EPAS1: variants seen among roughly 807,000 people sequenced by gnomAD.
EPAS1 encodes the protein endothelial PAS domain protein 1.
In EPAS1, 23 loss-of-function variants were observed where a neutral mutation model predicts 87.9. That is an observed-to-expected ratio of 0.26 (90% confidence interval 0.19 to 0.37). The LOEUF is 0.37. Ranked by LOEUF, EPAS1 falls within the 10% of genes least tolerant of loss-of-function variation. EPAS1 has a pLI of 1.00. For missense variants in EPAS1, 1,138 were observed against 1,120.7 expected (o/e 1.02, Z -0.22); for synonymous variants, 508 against 444.3 (o/e 1.14, Z -1.80).
chr2:46,310,950 C>T (rs899262594), intron 1 of EPAS1, among the ~76,000 whole-genome samples: 35 of 152,298 alleles, frequency 2.3e-4, no homozygotes, highest in Admixed American at 1.4e-3. Flanking sequence ...GATCTTGGCT[C>T]ACTGCAAGCT....
At chr2:46,363,027 T>C (rs550721214) in intron 6 of EPAS1, among the ~76,000 whole-genome samples, 105 of 151,174 alleles carry the variant, frequency 6.9e-4, no homozygotes, top group Non-Finnish European at 1.2e-3. Flanking sequence ...GTGATAATGA[T>C]GGTGGTTCAA....
chr2:46,321,602 G>A (rs1335737948), intron 1 of EPAS1, among the ~76,000 whole-genome samples: 2 of 151,976 alleles, frequency 1.3e-5, no homozygotes, highest in East Asian at 1.9e-4. Context: ...GTGTGAAGTG[G>A]TATCTCATTG....
Position 46,380,781 on chromosome 2 carries a change from G to A in EPAS1, c.2045+64G>A. On this transcript the variant is annotated intron_variant, in intron 12 of 15. Transcript: ENST00000263734. This position sits in a 1 kb window ranked among gnomAD's most constrained non-coding sequence, Gnocchi z 4.4. ...CCGAGAGGCACCCACTAGTAAGATA[G>A]CTGGACCCCCAGGGAGGCCCCTGCC... 1.3e-6 allele frequency: 2 copies of A among 1,599,084 alleles called. No homozygotes were observed. Among genetic ancestry groups the A allele is most frequent in the South Asian group, 1.1e-5 (1 of 90,940 alleles).
At chr2:46,331,626 G>A (rs1683675713) in intron 1 of EPAS1, among the ~76,000 whole-genome samples, 2 of 152,070 alleles carry the variant, frequency 1.3e-5, no homozygotes, top group Admixed American at 6.5e-5. Flanking sequence ...AAGCTCCGAG[G>A]TTTAAAAATA....
Position 46,384,992 on chromosome 2 carries a change from C to T in EPAS1, c.*332C>T. 2 of 359,826 alleles carry T rather than the reference C, an allele frequency of 5.6e-6. No individual in the cohort carries two copies. Among genetic ancestry groups the T allele is most frequent in the South Asian group, 2.6e-5 (1 of 38,122 alleles). 22.3% of individuals were successfully genotyped at this position (359,826 alleles called of 1,614,324 possible). A position where few individuals can be genotyped will look rare whatever the true frequency, so the allele number is the denominator to read the frequency against. On this transcript the variant is annotated 3_prime_UTR_variant, in exon 16 of 16. Transcript: ENST00000263734. ...TCCTTCTCACACACAACTGTCCATA[C>T]TAACAAGTTTGGTGCATGTCTGTTC...
chr2:46,383,828 G>C (rs138365583), intron 15 of EPAS1, among the ~76,000 whole-genome samples: 4 of 152,338 alleles, frequency 2.6e-5, no homozygotes, highest in Non-Finnish European at 4.4e-5. Flanking sequence ...ATGGACCCCA[G>C]CAAGGATCTG....
intron 1 of EPAS1, among the ~76,000 whole-genome samples, chr2:46,310,381 G>A (rs933486011): frequency 6.6e-6 from 1 of 152,162 alleles, no homozygotes; most frequent in Admixed American, 6.5e-5. Context: ...CCCACTATCT[G>A]TAGGGCATGA....
chr2:46,373,371 C>T (rs1029678888), intron 7 of EPAS1, among the ~76,000 whole-genome samples: 1 of 151,892 alleles, frequency 6.6e-6, no homozygotes, highest in African/African-American at 2.4e-5. Flanking sequence ...AAACTGAAAA[C>T]AACTCAAACA....
intron 1 of EPAS1, among the ~76,000 whole-genome samples, chr2:46,313,492 G>C (rs114484821): frequency 6.6e-6 from 1 of 150,952 alleles, no homozygotes; most frequent in Non-Finnish European, 1.5e-5. Flanking sequence ...TCACTCTGTC[G>C]CCAGGCTGCA....
Position 46,347,043 on chromosome 2 carries a change from C to T in EPAS1, c.197C>T (p.Thr66Ile). ...CGACTGGCAATCAGCTTCCTGCGAA[C>T]ACACAAGCTCCTCTCCTCAGGTAAG... ...IMRLAISFLRTHKLLSSVCSE... is the reference protein window; with the variant it reads ...IMRLAISFLRIHKLLSSVCSE... The change falls in exon 2 of 16, where the codon ACA becomes ATA. Residue 66 changes from threonine (T) to isoleucine (I), a missense_variant. By Grantham distance (89) the Thr-to-Ile change is moderately conservative. Around this residue, in one of 4 missense-constraint regions of EPAS1, gnomAD observed 351 missense variants for 417.1 expected, o/e 0.84. Transcript: ENST00000263734. The surrounding 1 kb of genome is among the most constrained non-coding windows in gnomAD (Gnocchi z 4.2). 6.2e-7 allele frequency: 1 copy of T among 1,614,210 alleles called. No homozygotes were observed. Among genetic ancestry groups the T allele is most frequent in the Non-Finnish European group, 8.5e-7 (1 of 1,180,030 alleles).
rs1368323907 is a variant in EPAS1, at chr2:46,371,155, AAAGT to A, written c.886+1227_886+1230del. 6.6e-6 allele frequency among the ~76,000 whole-genome samples: 1 copy of A among 152,162 alleles called. No individual in the cohort carries two copies. The highest frequency in any genetic ancestry group is 1.5e-5 in the Non-Finnish European group (1 of 68,034). On this transcript the variant is annotated intron_variant, in intron 7 of 15. Coordinates refer to ENST00000263734, the MANE Select transcript of EPAS1 (RefSeq NM_001430.5). The surrounding 1 kb of genome is among the most constrained non-coding windows in gnomAD (Gnocchi z 4.3). ...GATTATGGGAGGATTAAAAACGGGT[AAAGT>A]AAGTCTGAGAAGATTCCCAGTGGCC... is the stretch of plus-strand genomic sequence containing the variant.
rs1161729318 is a variant in EPAS1, at chr2:46,300,446, G to C, written c.26+2509G>C. Among the ~76,000 whole-genome samples the C allele has an allele frequency of 6.6e-6, 1 of 152,196 alleles. No individual in the cohort carries two copies. Among genetic ancestry groups the C allele is most frequent in the Non-Finnish European group, 1.5e-5 (1 of 68,046 alleles). ...TTTTGTCCCAGAATGTTCACACGTC[G>C]ATAAATATGTTAATGTTTAATAATA... On this transcript the variant is annotated intron_variant, in intron 1 of 15. Transcript: ENST00000263734. This position sits in a 1 kb window ranked among gnomAD's most constrained non-coding sequence, Gnocchi z 4.1.
rs116743620 is a variant in EPAS1, at chr2:46,303,257, A to G, written c.26+5320A>G. The stretch of plus-strand genomic sequence containing the variant: ...GTATTATGTGTATTTAGAGGTGGAG[A>G]AATTTGTTCCTAGTGTCCCCGGAAC... On this transcript the variant is annotated intron_variant, in intron 1 of 15. Transcript: ENST00000263734. Among the ~76,000 whole-genome samples the G allele has an allele frequency of 2.5e-3, 388 of 152,236 alleles. 2 individuals carry two copies. The highest frequency in any genetic ancestry group is 8.7e-3 in the African/African-American group (362 of 41,526).
rs1684736444 is a variant in EPAS1, at chr2:46,375,958, G to A, written c.1034+121G>A. 7.3e-7 allele frequency: 1 copy of A among 1,364,318 alleles called. No individual in the cohort carries two copies. The highest frequency in any genetic ancestry group is 1.0e-6 in the Non-Finnish European group (1 of 961,272). The allele number at this position is 1,364,318 out of a possible 1,614,324, so 84.5% of individuals were successfully genotyped here. On this transcript the variant is annotated intron_variant, in intron 8 of 15. Transcript: ENST00000263734. This position sits in a 1 kb window ranked among gnomAD's most constrained non-coding sequence, Gnocchi z 4.1. ...TCTCAGCGCCCTGGGCACCACCTCA[G>A]GGAGGTCTTGCAGGGCTAACCCTAG...
chr2:46,370,751 G>C (rs1341511071), intron 7 of EPAS1, among the ~76,000 whole-genome samples: 1 of 152,202 alleles, frequency 6.6e-6, no homozygotes, highest in Non-Finnish European at 1.5e-5. Context: ...ATATTGGACA[G>C]AGAAGTTCTA....
In EPAS1 at chr2:46,381,618, C is replaced by T; in HGVS notation, c.2068C>T (p.Arg690Ter). Residue 690 changes from arginine (R) to a stop codon, truncating the protein, a stop_gained, in exon 13 of 16, where the codon CGA (arginine) becomes TGA (stop). Transcript: ENST00000263734. LOFTEE classifies it high-confidence loss of function. ...KTRSAKGFGA[R>*]GPDVLSPAMV... Reference sequence around the variant, plus strand: ...CAGGTCTGCAAAGGGTTTTGGGGCTCGAGGCCCAGACGTGCTGAGTCCGGC... The same window carrying T: ...CAGGTCTGCAAAGGGTTTTGGGGCTTGAGGCCCAGACGTGCTGAGTCCGGC... The T allele has an allele frequency of 6.2e-7, 1 of 1,613,956 alleles. No individual in the cohort carries two copies. The highest frequency in any genetic ancestry group is 8.5e-7 in the Non-Finnish European group (1 of 1,180,014).
chr2:46,325,792 CATG>C (rs1683550392), intron 1 of EPAS1, among the ~76,000 whole-genome samples: 1 of 152,126 alleles, frequency 6.6e-6, no homozygotes, highest in South Asian at 2.1e-4. Flanking sequence ...ATCCTATTAC[CATG>C]ATGATCATTA....
intron 9 of EPAS1, 71 bp downstream of exon 9, chr2:46,376,824 G>T: frequency 6.6e-7 from 1 of 1,509,196 alleles, no homozygotes; most frequent in Non-Finnish European, 9.2e-7. Context: ...ACTATAACAG[G>T]CCTCCCTGGC....
At position 46,326,139 on chromosome 2, in the gene EPAS1, T is replaced by C. The variant is rs1005264353; in HGVS notation, c.27-20734T>C. Reference sequence around the variant, plus strand: ...GTTGCCCCTGGGGATAGCCTAGTTCTCCCTCCTGTGTGAATTTGGGAAACA... The same window carrying C: ...GTTGCCCCTGGGGATAGCCTAGTTCCCCCTCCTGTGTGAATTTGGGAAACA... On this transcript the variant is annotated intron_variant, in intron 1 of 15. Coordinates refer to ENST00000263734, the MANE Select transcript of EPAS1 (RefSeq NM_001430.5). Among the ~76,000 whole-genome samples, 5 of 152,334 alleles carry C rather than the reference T, an allele frequency of 3.3e-5. 1 individual carries two copies. In the South Asian group the frequency reaches 1.0e-3, roughly 32 times the overall value.
Sources: gnomAD v4.1 joint callset for allele counts (sites outside exome capture counted in the v4.1 genomes callset) on GRCh38, gnomAD v4.1.1 for gene constraint, gnomAD v4.1.1 regional missense constraint, Gnocchi (gnomAD v3.1) non-coding constraint, MANE v1.5 for transcripts, NCBI Gene and HGNC (gene_info 2026-07-23, HGNC 2026-07-21) for gene names.